R3HDML: variants seen among roughly 807,000 people sequenced by gnomAD.
R3HDML encodes the protein R3H domain containing like, also known as peptidase inhibitor R3HDML.
In R3HDML, 21 loss-of-function variants were observed where a neutral mutation model predicts 24.2. The observed-to-expected ratio is 0.87, with a 90% CI of 0.62 to 1.25. R3HDML has a LOEUF of 1.25. R3HDML is among the 50% of genes most tolerant of loss of function. The pLI, the probability that R3HDML is intolerant of heterozygous loss-of-function variation, is 0.00. For synonymous variants in R3HDML, 133 were observed against 131.5 expected (o/e 1.01, Z -0.08); for missense variants, 301 against 340.3 (o/e 0.88, Z 0.91).
chr20:44,345,833 T>A (rs146339524), intron 4 of R3HDML, among the ~76,000 whole-genome samples: 2 of 124,196 alleles, frequency 1.6e-5, no homozygotes, highest in Non-Finnish European at 3.9e-5. Context: ...TTCTTTCTTT[T>A]TTTTGAGAAG....
chr20:44,342,208 G>A (rs2062774005), intron 2 of R3HDML, among the ~76,000 whole-genome samples: 1 of 152,134 alleles, frequency 6.6e-6, no homozygotes, highest in African/African-American at 2.4e-5. Flanking sequence ...TGCCAAATAA[G>A]GATGTCAGAA....
intron 4 of R3HDML, among the ~76,000 whole-genome samples, chr20:44,347,046 G>C: frequency 6.6e-6 from 1 of 152,142 alleles, no homozygotes; most frequent in Non-Finnish European, 1.5e-5. Context: ...GGAGGCTGAG[G>C]CAGGAGAATC....
At chr20:44,347,168 CAA>C (rs2062789596) in intron 4 of R3HDML, among the ~76,000 whole-genome samples, 1 of 151,962 alleles carries the variant, frequency 6.6e-6, no homozygotes, top group African/African-American at 2.4e-5. Context: ...AAAAACAAAA[CAA>C]GAACAAATTC....
intron 2 of R3HDML, among the ~76,000 whole-genome samples, chr20:44,342,742 A>G (rs1327237101): frequency 7.2e-5 from 11 of 152,180 alleles, no homozygotes; most frequent in Admixed American, 7.2e-4. Context: ...ACCTAAGGTC[A>G]GGAGTTCGAG....
intron 2 of R3HDML, 122 bp from the exon 3 acceptor site, chr20:44,343,255 A>T: frequency 7.9e-7 from 1 of 1,258,780 alleles, no homozygotes; most frequent in Non-Finnish European, 1.1e-6. Flanking sequence ...TCATGCTCAC[A>T]GATAGGAAAC....
At chr20:44,343,556 C>T (rs185250363) in intron 3 of R3HDML, 47 bp downstream of exon 3, 12 of 1,518,730 alleles carry the variant, frequency 7.9e-6, no homozygotes, top group East Asian at 7.3e-5. Flanking sequence ...CACATCCTGG[C>T]GCCTTAGAAG....
chr20:44,346,506 T>G (rs1568677605), intron 4 of R3HDML, among the ~76,000 whole-genome samples: 1 of 152,206 alleles, frequency 6.6e-6, no homozygotes, highest in South Asian at 2.1e-4. Flanking sequence ...AAGTCAGTAG[T>G]GGAGAATGTG....
chr20:44,341,079 T>C, intron 1 of R3HDML, 117 bp from the exon 2 acceptor site: 1 of 800,340 alleles, frequency 1.2e-6, no homozygotes, highest in Non-Finnish European at 2.0e-6. Context: ...CGTGGGTTTG[T>C]TGCAGGGTTC....
chr20:44,338,188 G>A (rs912802851), intron 1 of R3HDML, among the ~76,000 whole-genome samples: 5 of 152,204 alleles, frequency 3.3e-5, no homozygotes, highest in South Asian at 4.1e-4. Flanking sequence ...GATGTCTTTA[G>A]GGAAAGAGTT....
chr20:44,344,436 C>T (rs1021456937), intron 3 of R3HDML, among the ~76,000 whole-genome samples: 4 of 149,964 alleles, frequency 2.7e-5, no homozygotes, highest in African/African-American at 9.8e-5. Context: ...TGAGACCCAC[C>T]TCTCTAAAAA....
chr20:44,339,311 C>T (rs1332518055), intron 1 of R3HDML, among the ~76,000 whole-genome samples: 1 of 152,072 alleles, frequency 6.6e-6, no homozygotes, highest in East Asian at 1.9e-4. Flanking sequence ...GCCTTGCTAC[C>T]CTGAGTCCTC....
intron 2 of R3HDML, 58 bp from the exon 3 acceptor site, chr20:44,343,319 G>C (rs1047551536): frequency 5.7e-6 from 9 of 1,591,680 alleles, no homozygotes; most frequent in Non-Finnish European, 7.7e-6. Context: ...GCAAGTTGGC[G>C]GCCGAGCCAC....
chr20:44,350,880 T>C lies in R3HDML; in HGVS notation c.*88T>C. 6.7e-7 allele frequency: 1 copy of C among 1,502,808 alleles called. No homozygotes were observed. Among genetic ancestry groups the C allele is most frequent in the Middle Eastern group, 1.7e-4 (1 of 5,764 alleles). The allele number at this position is 1,502,808 out of a possible 1,614,324, so 93.1% of individuals were successfully genotyped here. ...AACTGGGTGGAGAAATAATTGTTTC[T>C]TTAAAGGATATGAGTTAGAATCACC... On this transcript the variant is annotated 3_prime_UTR_variant, in exon 5 of 5. Coordinates refer to ENST00000217043, the MANE Select transcript of R3HDML (RefSeq NM_178491.4).
chr20:44,341,369 C>A lies in R3HDML; in HGVS notation c.380+55C>A, dbSNP rs2062771996. 3.6e-6 allele frequency: 5 copies of A among 1,384,712 alleles called. No individual in the cohort carries two copies. In the Admixed American group the frequency reaches 8.7e-5, roughly 24 times the overall value. The allele number at this position is 1,384,712 out of a possible 1,614,324, so 85.8% of individuals were successfully genotyped here. On this transcript the variant is annotated intron_variant, in intron 2 of 4. Transcript: ENST00000217043. ...AGTCATTCAACAAATACTCATTGAACACTTACTCTGTACCAGGTGCTGCAC... is the reference window on the plus strand; with the variant it reads ...AGTCATTCAACAAATACTCATTGAAAACTTACTCTGTACCAGGTGCTGCAC...
chr20:44,346,634 A>G (rs77242330), intron 4 of R3HDML, among the ~76,000 whole-genome samples: 15,314 of 152,268 alleles, frequency 0.1, 957 homozygotes, highest in Middle Eastern at 0.17. Context: ...TTAGAAGTAC[A>G]GTGCCAGCCC....
At chr20:44,350,560 G>C in intron 4 of R3HDML, 100 bp from the exon 5 acceptor site, 1 of 1,131,940 alleles carries the variant, frequency 8.8e-7, no homozygotes, top group Non-Finnish European at 1.2e-6. Flanking sequence ...CTTGCCCCAG[G>C]TCCCCAGGGC....
chr20:44,340,204 C>T (rs563377738), intron 1 of R3HDML, among the ~76,000 whole-genome samples: 14 of 152,184 alleles, frequency 9.2e-5, no homozygotes, highest in East Asian at 7.8e-4. Context: ...ATCCGCCCAC[C>T]TCGGCCTCCC....
At chr20:44,350,571 TG>T in intron 4 of R3HDML, 88 bp from the exon 5 acceptor site, 1 of 1,326,708 alleles carries the variant, frequency 7.5e-7, no homozygotes, top group Non-Finnish European at 1.0e-6. Context: ...TCCCCAGGGC[TG>T]GTCAGTGGCA....
intron 2 of R3HDML, among the ~76,000 whole-genome samples, chr20:44,342,386 G>A (rs1277795824): frequency 6.6e-6 from 1 of 151,940 alleles, no homozygotes; most frequent in Non-Finnish European, 1.5e-5. Context: ...AGCCGTGAAT[G>A]GTCACTCAGA....
Sources: allele counts gnomAD v4.1 joint callset (sites outside exome capture counted in the v4.1 genomes callset), GRCh38; gene constraint gnomAD v4.1.1; transcripts MANE v1.5; gene names NCBI Gene and HGNC (gene_info 2026-07-23, HGNC 2026-07-21).